Variants in PLEKHA1 observed in about 807,000 individuals in gnomAD.
PLEKHA1 encodes pleckstrin homology domain-containing family A member 1.
In PLEKHA1, 34 loss-of-function variants were observed where a neutral mutation model predicts 52.0. The ratio of observed to expected loss-of-function variants is 0.65; its 90% CI spans 0.50 to 0.87. PLEKHA1 has a LOEUF of 0.87. Ranked by LOEUF, PLEKHA1 falls within the 40% of genes least tolerant of loss-of-function variation. The pLI, the probability that PLEKHA1 is intolerant of heterozygous loss-of-function variation, is 0.00. For synonymous variants in PLEKHA1, 163 were observed against 170.7 expected (o/e 0.95, Z 0.35); for missense variants, 497 against 504.2 (o/e 0.99, Z 0.14).
chr10:122,381,694 G>A (rs1331835566), intron 1 of PLEKHA1, among the ~76,000 whole-genome samples: 1 of 152,140 alleles, frequency 6.6e-6, no homozygotes, highest in Non-Finnish European at 1.5e-5. Flanking sequence ...AGCAATGCAA[G>A]AACGGACTAC....
intron 1 of PLEKHA1, among the ~76,000 whole-genome samples, chr10:122,383,320 T>C (rs1263200825): frequency 7.3e-6 from 1 of 137,378 alleles, no homozygotes; most frequent in Non-Finnish European, 1.7e-5. Flanking sequence ...TCTGTTTTTT[T>C]TTTTTCTTTT....
In PLEKHA1 at chr10:122,431,883, A is replaced by G. The variant is rs1463129118; in HGVS notation, c.*1945A>G. The G allele has an allele frequency of 6.6e-6, 1 of 152,186 alleles. No homozygotes were observed. Among genetic ancestry groups the G allele is most frequent in the Non-Finnish European group, 1.5e-5 (1 of 68,024 alleles). 9.4% of individuals were successfully genotyped at this position (152,186 alleles called of 1,614,324 possible). A position where few individuals can be genotyped will look rare whatever the true frequency, so the allele number is the denominator to read the frequency against. ...TGAACACACCCGAGAAATCTTAAAT[A>G]GACACTTTGCAATATTTAAGAACCT... On this transcript the variant is annotated 3_prime_UTR_variant, in exon 12 of 12. Transcript: ENST00000368990.
chr10:122,432,337 C>G lies in PLEKHA1; in HGVS notation c.*2399C>G, dbSNP rs1271632709. 1 of 152,072 alleles carries G rather than the reference C, an allele frequency of 6.6e-6. No individual in the cohort carries two copies. The highest frequency in any genetic ancestry group is 1.9e-4 in the East Asian group (1 of 5,194). The allele number at this position is 152,072 out of a possible 1,614,324, so 9.4% of individuals were successfully genotyped here. Reference sequence around the variant, plus strand: ...AACACTGTAATGAGAATAAACTGCACAGAGTTTATTCTGACTTATTTCTCA... The same window carrying G: ...AACACTGTAATGAGAATAAACTGCAGAGAGTTTATTCTGACTTATTTCTCA... On this transcript the variant is annotated 3_prime_UTR_variant, in exon 12 of 12. Coordinates refer to ENST00000368990, the MANE Select transcript of PLEKHA1 (RefSeq NM_001001974.4).
chr10:122,402,729 C>T (rs374037465), intron 4 of PLEKHA1, among the ~76,000 whole-genome samples: 1 of 152,310 alleles, frequency 6.6e-6, no homozygotes, highest in Non-Finnish European at 1.5e-5. Context: ...TCTTCTGTCC[C>T]AGCAGGTAAT....
intron 1 of PLEKHA1, among the ~76,000 whole-genome samples, chr10:122,383,486 ATT>A (rs5788548): frequency 0.57 from 79,399 of 138,412 alleles, 22,907 homozygotes; most frequent in African/African-American, 0.71. Flanking sequence ...TGCCTGGCTA[ATT>A]TTTTTTTTTT....
chr10:122,435,667 C>A (rs910784256), downstream of PLEKHA1: 1 of 151,998 alleles, frequency 6.6e-6, no homozygotes, highest in Non-Finnish European at 1.5e-5. Flanking sequence ...AGTATTTGGT[C>A]CTATTTGGAA....
chr10:122,409,075 C>G (rs532388942), intron 5 of PLEKHA1, among the ~76,000 whole-genome samples: 4 of 151,972 alleles, frequency 2.6e-5, no homozygotes, highest in African/African-American at 9.6e-5. Flanking sequence ...TAATATCTTG[C>G]CATTTTAATC....
chr10:122,392,414 C>G (rs1489417031), intron 1 of PLEKHA1: 1 of 151,910 alleles, frequency 6.6e-6, no homozygotes, highest in Non-Finnish European at 1.5e-5. Flanking sequence ...AACATTTTTT[C>G]TTGTTGCTTT....
chr10:122,413,156 C>G, intron 6 of PLEKHA1, 111 bp downstream of exon 6: 1 of 917,308 alleles, frequency 1.1e-6, no homozygotes. Context: ...TATACAATTA[C>G]TATAAAATAT....
intron 7 of PLEKHA1, chr10:122,417,089 A>G (rs2097186722): frequency 6.5e-6 from 1 of 152,808 alleles, no homozygotes. Context: ...CCAAAATACC[A>G]GTCAGAGATA....
chr10:122,424,832 A>G lies in PLEKHA1; in HGVS notation c.747-64A>G, dbSNP rs1223076980. The G allele has an allele frequency of 2.1e-6, 3 of 1,415,124 alleles. No individual in the cohort carries two copies. The African/African-American group carries it at 4.3e-5, about 20-fold the overall frequency. 87.7% of individuals were successfully genotyped at this position (1,415,124 alleles called of 1,614,324 possible). On this transcript the variant is annotated intron_variant, in intron 9 of 11. Coordinates refer to ENST00000368990, the MANE Select transcript of PLEKHA1 (RefSeq NM_001001974.4). The stretch of plus-strand genomic sequence containing the variant: ...ATTGACGCATACTGGGTACTGGGTA[A>G]ACAAATGAAAGAGAAACTCAAACAA...
intron 7 of PLEKHA1, chr10:122,417,190 C>G (rs2097188906): frequency 6.6e-6 from 1 of 151,992 alleles, no homozygotes; most frequent in South Asian, 2.1e-4. Context: ...TGCTTTACTA[C>G]TATGTATAAA....
At chr10:122,423,444 AAAAAC>A (rs1250749796) in intron 8 of PLEKHA1, 1 of 152,274 alleles carries the variant, frequency 6.6e-6, no homozygotes, top group Non-Finnish European at 1.5e-5. Context: ...AAAAAACAAA[AAAAAC>A]AACAACACTC....
intron 1 of PLEKHA1, among the ~76,000 whole-genome samples, chr10:122,388,361 T>C (rs996642985): frequency 6.6e-6 from 1 of 152,218 alleles, no homozygotes; most frequent in South Asian, 2.1e-4. Context: ...GTCTGAAAAA[T>C]ATTCCATTGT....
Position 122,400,403 on chromosome 10 carries a change from TA to T in PLEKHA1, c.244+16del. On this transcript the variant is annotated intron_variant, in intron 4 of 11. Coordinates refer to ENST00000368990, the MANE Select transcript of PLEKHA1 (RefSeq NM_001001974.4). ...GTTCTGTTTTGGTAAGTAGCCATGT[TA>T]TATATATTTTAAATAGACTGATATA... 6.3e-7 allele frequency: 1 copy of T among 1,598,368 alleles called. No homozygotes were observed. Among genetic ancestry groups the T allele is most frequent in the Non-Finnish European group, 8.5e-7 (1 of 1,173,296 alleles).
intron 1 of PLEKHA1, among the ~76,000 whole-genome samples, chr10:122,390,148 C>T (rs957891593): frequency 6.6e-6 from 1 of 152,240 alleles, no homozygotes; most frequent in Non-Finnish European, 1.5e-5. Context: ...CCAACAACCT[C>T]TGCTGGCTTC....
At chr10:122,441,479 A>G in the PLEKHA1 span, 6 of 152,726 alleles carry the variant, frequency 3.9e-5, no homozygotes, top group East Asian at 1.2e-3. Flanking sequence ...CAAAAAAAAA[A>G]AAAGTTTGAG....
chr10:122,410,583 G>C (rs1447926234), intron 5 of PLEKHA1, among the ~76,000 whole-genome samples: 1 of 152,088 alleles, frequency 6.6e-6, no homozygotes, highest in East Asian at 1.9e-4. Context: ...CTTGTTCTTA[G>C]GGAATAAGAT....
intron 1 of PLEKHA1, among the ~76,000 whole-genome samples, chr10:122,383,119 A>G (rs2096637444): frequency 6.6e-6 from 1 of 152,130 alleles, no homozygotes; most frequent in African/African-American, 2.4e-5. Context: ...AAACTTTTCT[A>G]TTATGGAGAT....
Sources: gnomAD v4.1 joint callset for allele counts (sites outside exome capture counted in the v4.1 genomes callset) on GRCh38, gnomAD v4.1.1 for gene constraint, MANE v1.5 for transcripts, NCBI Gene and HGNC (gene_info 2026-07-23, HGNC 2026-07-21) for gene names.